PPRC1: variants seen among roughly 807,000 people sequenced by gnomAD.
PPRC1 encodes the protein peroxisome proliferator-activated receptor gamma coactivator-related protein 1.
PPRC1 carries 23 observed loss-of-function variants against 132.5 expected under a neutral mutation model. The observed-to-expected ratio is 0.17, with a 90% CI of 0.12 to 0.25. PPRC1 has a LOEUF of 0.25. Among genes scored for constraint, PPRC1 ranks in the 10% least tolerant of loss-of-function variants. PPRC1 has a pLI of 1.00. For missense variants in PPRC1, 2,006 were observed against 2,089.1 expected (o/e 0.96, Z 0.78); for synonymous variants, 872 against 833.5 (o/e 1.05, Z -0.80).
intron 1 of PPRC1, 23 bp downstream of exon 1, chr10:102,133,244 G>C: frequency 7.9e-7 from 1 of 1,269,936 alleles, no homozygotes; most frequent in Non-Finnish European, 1.0e-6. Flanking sequence ...CTGGCGGCCC[G>C]CGACAGGCAG....
chr10:102,127,148 G>C, the PPRC1 span, among the ~76,000 whole-genome samples: 1 of 146,290 alleles, frequency 6.8e-6, no homozygotes, highest in Non-Finnish European at 1.5e-5. Flanking sequence ...GCTGAGGTGG[G>C]CAGATCACCT....
the PPRC1 span, among the ~76,000 whole-genome samples, chr10:102,122,916 C>T: frequency 6.6e-6 from 1 of 152,204 alleles, no homozygotes; most frequent in Non-Finnish European, 1.5e-5. Context: ...GTGCTATTAC[C>T]TCCATTGAAC....
Position 102,148,029 on chromosome 10 carries a change from A to T in PPRC1, c.4401-343A>T, listed in dbSNP as rs950189467. The stretch of plus-strand genomic sequence containing the variant: ...AAGACCCAGGCTTGGCCCCAGCACC[A>T]CAGATAGCTGGGTGTGAGACCTAGG... On this transcript the variant is annotated intron_variant, in intron 9 of 13. Coordinates refer to ENST00000278070, the MANE Select transcript of PPRC1 (RefSeq NM_015062.5). The surrounding 1 kb of genome is among the most constrained non-coding windows in gnomAD (Gnocchi z 4.2). Among the ~76,000 whole-genome samples the T allele has an allele frequency of 3.3e-5, 5 of 152,156 alleles. No homozygotes were observed. Among genetic ancestry groups the T allele is most frequent in the African/African-American group, 9.7e-5 (4 of 41,426 alleles).
At chr10:102,129,178 G>A (rs1043709635), upstream of PPRC1, among the ~76,000 whole-genome samples, 6 of 151,876 alleles carry the variant, frequency 4.0e-5, no homozygotes, top group African/African-American at 4.8e-5. Flanking sequence ...TGATCCGCCC[G>A]CCTCGGCCTC....
chr10:102,133,169 G>A lies in PPRC1; in HGVS notation c.101G>A (p.Ser34Asn), dbSNP rs2068584323. ...GGAGCCCGCGGCAGTGGTTGGGGAA[G>A]TCGAAGCCAAGCGCCGTATGGGACT... is the stretch of plus-strand genomic sequence containing the variant. The part of the protein sequence containing the change: ...GGGARGSGWG[S>N]RSQAPYGTLG... The change falls in exon 1 of 14, where the codon AGT becomes AAT. Residue 34 changes from serine (S) to asparagine (N), a missense_variant. Physicochemically the swap from Ser to Asn is conservative, Grantham distance 46 (BLOSUM62 1). This residue lies in a region of PPRC1 where 1,914 missense variants were observed against 1,917.2 expected (regional missense o/e 1.00). Coordinates refer to ENST00000278070, the MANE Select transcript of PPRC1 (RefSeq NM_015062.5). 1 of 1,271,198 alleles carries A rather than the reference G, an allele frequency of 7.9e-7. No homozygotes were observed. Among genetic ancestry groups the A allele is most frequent in the East Asian group, 3.0e-5 (1 of 33,538 alleles). 78.7% of individuals were successfully genotyped at this position (1,271,198 alleles called of 1,614,324 possible). A position where few individuals can be genotyped will look rare whatever the true frequency, so the allele number is the denominator to read the frequency against.
rs758470365 is a variant in PPRC1 at position 102,147,306 on chromosome 10, C to T, written c.4314C>T (p.Ser1438=). ...RSVSSGSNRT[S]EASSSSSSSS... is the part of the protein sequence containing the mutation. ...TCAGCTCTGGGTCCAACCGGACTAG[C>T]GAAGCATCTTCCTCATCCTCATCAT... The change falls in exon 9 of 14, where the codon AGC becomes AGT. Residue 1438 remains serine (S), a synonymous_variant. Coordinates refer to ENST00000278070, the MANE Select transcript of PPRC1 (RefSeq NM_015062.5). The T allele has an allele frequency of 9.3e-6, 15 of 1,612,538 alleles. No individual in the cohort carries two copies. In the Middle Eastern group the frequency reaches 4.9e-4, roughly 53 times the overall value.
intron 5 of PPRC1, among the ~76,000 whole-genome samples, chr10:102,142,352 C>G (rs1031784896): frequency 4.7e-5 from 7 of 147,716 alleles, no homozygotes; most frequent in African/African-American, 1.7e-4. Flanking sequence ...CCGCCTACCT[C>G]AGCCTCCCAA....
the PPRC1 span, among the ~76,000 whole-genome samples, chr10:102,121,048 G>A: frequency 1.1e-4 from 16 of 152,120 alleles, no homozygotes; most frequent in Non-Finnish European, 2.1e-4. Flanking sequence ...CTCCTCCTTT[G>A]CCTGCGAAAC....
At position 102,140,709 on chromosome 10, in the gene PPRC1, A is replaced by T; in HGVS notation, c.2201A>T (p.Lys734Ile). Reference protein sequence around the residue: ...PEVKEVVDSLKIESGTSATTH... With the variant: ...PEVKEVVDSLIIESGTSATTH... ...GTCAAAGAGGTTGTGGATTCTCTGAAAATTGAAAGTGGTACCAGTGCTACA... is the reference window on the plus strand; with the variant it reads ...GTCAAAGAGGTTGTGGATTCTCTGATAATTGAAAGTGGTACCAGTGCTACA... Residue 734 changes from lysine (K) to isoleucine (I), a missense_variant, in exon 5 of 14, where the codon AAA becomes ATA. Physicochemically the swap from Lys to Ile is moderately radical, Grantham distance 102 (BLOSUM62 -3). This residue lies in a region of PPRC1 where 1,914 missense variants were observed against 1,917.2 expected (regional missense o/e 1.00). Transcript: ENST00000278070. 1 of 1,614,034 alleles carries T rather than the reference A, an allele frequency of 6.2e-7. No individual in the cohort carries two copies. Among genetic ancestry groups the T allele is most frequent in the Non-Finnish European group, 8.5e-7 (1 of 1,180,002 alleles).
Position 102,139,960 on chromosome 10 carries a change from C to A in PPRC1, c.1452C>A (p.Arg484=). 1.2e-6 allele frequency: 2 copies of A among 1,614,208 alleles called. No individual in the cohort carries two copies. Among genetic ancestry groups the A allele is most frequent in the Non-Finnish European group, 1.7e-6 (2 of 1,180,040 alleles). The change falls in exon 5 of 14, where the codon CGC becomes CGA. Residue 484 remains arginine, a synonymous_variant. Transcript: ENST00000278070. ...CCAGGAGGCTGAGGTCATCTTCTCG[C>A]GGGCAGTCTACTGTAGGTACAGAAG... ...GYARRLRSSS[R]GQSTVGTEVT... is the part of the protein sequence containing the mutation.
Position 102,141,064 on chromosome 10 carries a change from G to A in PPRC1, c.2556G>A (p.Met852Ile), listed in dbSNP as rs1274305772. The change falls in exon 5 of 14, where the codon ATG (methionine) becomes ATA (isoleucine). Residue 852 changes from methionine (M) to isoleucine (I), a missense_variant. By Grantham distance (10) the Met-to-Ile change is conservative (BLOSUM62 1). Transcript: ENST00000278070. ...SPTEQVPSQE[M>I]PLLARPSPPV... ...CTGAGCAGGTGCCATCCCAGGAGATGCCACTGTTGGCGAGACCTTCCCCTC... is the reference window on the plus strand; with the variant it reads ...CTGAGCAGGTGCCATCCCAGGAGATACCACTGTTGGCGAGACCTTCCCCTC... 6.2e-7 allele frequency: 1 copy of A among 1,614,128 alleles called. No homozygotes were observed. Among genetic ancestry groups the A allele is most frequent in the South Asian group, 1.1e-5 (1 of 91,086 alleles).
the PPRC1 span, chr10:102,120,051 C>T: frequency 2.8e-6 from 4 of 1,419,400 alleles, no homozygotes; most frequent in African/African-American, 1.5e-5. Context: ...GACGGCTGGG[C>T]AGGAAGGGGC....
chr10:102,125,128 T>C, the PPRC1 span, among the ~76,000 whole-genome samples: 2 of 152,124 alleles, frequency 1.3e-5, no homozygotes, highest in Non-Finnish European at 2.9e-5. Flanking sequence ...AGTCTCGCTC[T>C]GTCACCAGGC....
Position 102,150,131 on chromosome 10 carries a change from GT to G in PPRC1, c.*106del. The G allele has an allele frequency of 4.0e-6, 3 of 745,720 alleles. No homozygotes were observed. Among genetic ancestry groups the G allele is most frequent in the East Asian group, 2.6e-5 (1 of 38,444 alleles). 46.2% of individuals were successfully genotyped at this position (745,720 alleles called of 1,614,324 possible). A position where few individuals can be genotyped will look rare whatever the true frequency, so the allele number is the denominator to read the frequency against. ...GGAGAGAGCTGCTAGTGAGATGACT[GT>G]TTTATAAAGAAATGGAAAAAAGTGA... On this transcript the variant is annotated 3_prime_UTR_variant, in exon 14 of 14. Transcript: ENST00000278070.
At chr10:102,134,886 T>C (rs2068665739) in intron 1 of PPRC1, among the ~76,000 whole-genome samples, 1 of 152,152 alleles carries the variant, frequency 6.6e-6, no homozygotes, top group Non-Finnish European at 1.5e-5. Context: ...CCAGCTATAA[T>C]AGTTAAGTAG....
chr10:102,147,490 C>T lies in PPRC1; in HGVS notation c.4400+98C>T, dbSNP rs867646004. On this transcript the variant is annotated intron_variant, in intron 9 of 13. Transcript: ENST00000278070. ...TTTTACCCGTTGACTTTGGTACTTTCAGGCGCTAAGGCTTCTATTTCTGAC... is the reference window on the plus strand; with the variant it reads ...TTTTACCCGTTGACTTTGGTACTTTTAGGCGCTAAGGCTTCTATTTCTGAC... 40 of 1,417,170 alleles carry T rather than the reference C, an allele frequency of 2.8e-5. 1 individual carries two copies. The Middle Eastern group carries it at 3.3e-3, about 117-fold the overall frequency. 87.8% of individuals were successfully genotyped at this position (1,417,170 alleles called of 1,614,324 possible). A position where few individuals can be genotyped will look rare whatever the true frequency, so the allele number is the denominator to read the frequency against.
chr10:102,138,536 G>T (rs2068807589), intron 2 of PPRC1, 83 bp from the exon 3 acceptor site: 1 of 1,509,616 alleles, frequency 6.6e-7, no homozygotes, highest in Admixed American at 1.9e-5. Flanking sequence ...CTGGGAGACT[G>T]ATTCTCTCGA....
At chr10:102,125,633 T>C in the PPRC1 span, among the ~76,000 whole-genome samples, 1 of 151,796 alleles carries the variant, frequency 6.6e-6, no homozygotes, top group African/African-American at 2.4e-5. Context: ...TGAGAAGAGA[T>C]TAAGATTAGG....
the PPRC1 span, among the ~76,000 whole-genome samples, chr10:102,122,068 A>G: frequency 6.6e-6 from 1 of 151,944 alleles, no homozygotes; most frequent in African/African-American, 2.4e-5. Flanking sequence ...TACACTGTGG[A>G]GTCTCCCACC....
Sources: allele counts gnomAD v4.1 joint callset (sites outside exome capture counted in the v4.1 genomes callset), GRCh38; gene constraint gnomAD v4.1.1; regional missense constraint gnomAD v4.1.1; non-coding constraint Gnocchi (gnomAD v3.1); transcripts MANE v1.5; gene names NCBI Gene and HGNC (gene_info 2026-07-23, HGNC 2026-07-21).